The following COL5A1 variants were observed in gnomAD, a reference collection of about 807,000 sequenced individuals.
COL5A1 encodes collagen type V alpha 1 chain.
COL5A1 carries 16 observed loss-of-function variants against 263.7 expected under a neutral mutation model. The observed-to-expected ratio is 0.06, with a 90% CI of 0.04 to 0.09. The LOEUF (loss-of-function observed/expected upper bound fraction) is 0.09. COL5A1 is among the 10% of genes least tolerant of loss of function. The pLI is 1.00. For synonymous variants in COL5A1, 1,012 were observed against 1,004.5 expected (o/e 1.01, Z -0.14); for missense variants, 2,036 against 2,540.5 (o/e 0.80, Z 4.27).
intron 1 of COL5A1, among the ~76,000 whole-genome samples, chr9:134,674,081 T>G (rs922951256): frequency 6.6e-6 from 1 of 152,076 alleles, no homozygotes; most frequent in Non-Finnish European, 1.5e-5. Context: ...TGCAAAGGGG[T>G]GCAACCACTT....
intron 14 of COL5A1, among the ~76,000 whole-genome samples, chr9:134,753,335 G>A (rs989553005): frequency 2.6e-5 from 4 of 152,180 alleles, no homozygotes; most frequent in East Asian, 1.9e-4. Context: ...GCTGGGTTCC[G>A]GGGCCTCTGG....
intron 6 of COL5A1, among the ~76,000 whole-genome samples, chr9:134,729,314 C>T (rs979633334): frequency 3.9e-5 from 6 of 152,106 alleles, no homozygotes; most frequent in African/African-American, 9.7e-5. Context: ...CGGAGGGTCA[C>T]ACCTAGCAGG....
chr9:134,842,000 T>C lies in COL5A1; in HGVS notation c.5371-157T>C, dbSNP rs62571434. On this transcript the variant is annotated intron_variant, in intron 65 of 65. Coordinates refer to ENST00000371817, the MANE Select transcript of COL5A1 (RefSeq NM_000093.5). This position sits in a 1 kb window ranked among gnomAD's most constrained non-coding sequence, Gnocchi z 4.8. ...GTTAAATGCATGCTCTGATCAGCCA[T>C]ATTTCCTCCAACACTTGCCCGGGCA... Among the ~76,000 whole-genome samples the C allele has an allele frequency of 1.2e-3, 182 of 152,202 alleles. 1 individual carries two copies. Among genetic ancestry groups the C allele is most frequent in the African/African-American group, 3.5e-3 (147 of 41,548 alleles).
rs532883250 is a variant in COL5A1 at position 134,812,055 on chromosome 9, G to A, written c.3691-394G>A. On this transcript the variant is annotated intron_variant, in intron 46 of 65. Coordinates refer to ENST00000371817, the MANE Select transcript of COL5A1 (RefSeq NM_000093.5). ...TCCCCATTTTCCATCCTCCATTCCC[G>A]TTTTATGTTACGAGTGTGTTGAATG... Among the ~76,000 whole-genome samples the A allele has an allele frequency of 2.1e-3, 324 of 152,206 alleles. 2 individuals carry two copies. Among genetic ancestry groups the A allele is most frequent in the Admixed American group, 7.3e-3 (112 of 15,286 alleles).
At chr9:134,750,442 T>C (rs550610454) in intron 11 of COL5A1, 100 bp from the exon 12 acceptor site, 4 of 1,079,600 alleles carry the variant, frequency 3.7e-6, no homozygotes, top group Middle Eastern at 2.3e-4. Flanking sequence ...GTCCAGTGCA[T>C]TTCCCGGGTG....
chr9:134,720,341 G>A (rs538615301), intron 4 of COL5A1, among the ~76,000 whole-genome samples: 7 of 152,292 alleles, frequency 4.6e-5, no homozygotes, highest in South Asian at 2.1e-4. Context: ...TTTCCAGGCC[G>A]CCAGCACCTC....
intron 32 of COL5A1, among the ~76,000 whole-genome samples, chr9:134,790,278 C>T (rs1380577099): frequency 6.6e-6 from 1 of 152,162 alleles, no homozygotes; most frequent in Non-Finnish European, 1.5e-5. Flanking sequence ...CCATCTCCAC[C>T]CCTCTCTGTC....
rs996884999 is a variant in COL5A1, at chr9:134,681,180, GC to G, written c.110-9730del. Among the ~76,000 whole-genome samples, 1 of 152,184 alleles carries G rather than the reference GC, an allele frequency of 6.6e-6. No individual in the cohort carries two copies. On this transcript the variant is annotated intron_variant, in intron 1 of 65. Transcript: ENST00000371817. The surrounding 1 kb of genome is among the most constrained non-coding windows in gnomAD (Gnocchi z 4.3). Reference sequence around the variant, plus strand: ...TTGCAGGGAGGGCTGGGGTGGGGGGGCCTCAGCCCTGGGCCAGACCCTCCCT... The same window carrying G: ...TTGCAGGGAGGGCTGGGGTGGGGGGGCTCAGCCCTGGGCCAGACCCTCCCT...
At chr9:134,771,493 C>A (rs561168106) in intron 25 of COL5A1, among the ~76,000 whole-genome samples, 1 of 152,240 alleles carries the variant, frequency 6.6e-6, no homozygotes, top group African/African-American at 2.4e-5. Context: ...GGGAACTTTG[C>A]GCCCTCCCAC....
intron 4 of COL5A1, among the ~76,000 whole-genome samples, chr9:134,703,677 G>A (rs764103292): frequency 2.6e-5 from 3 of 116,780 alleles, no homozygotes; most frequent in Non-Finnish European, 4.9e-5. Context: ...TCGCTCCGTC[G>A]CCCAGGCTGG....
At chr9:134,786,990 G>A (rs950145030) in intron 31 of COL5A1, among the ~76,000 whole-genome samples, 3 of 152,196 alleles carry the variant, frequency 2.0e-5, no homozygotes, top group South Asian at 2.1e-4. Context: ...CCCCTGCTCC[G>A]TGTGTGTGGA....
chr9:134,651,644 T>G (rs910234034), intron 1 of COL5A1, among the ~76,000 whole-genome samples: 2 of 152,216 alleles, frequency 1.3e-5, no homozygotes, highest in Admixed American at 6.5e-5. Flanking sequence ...GGTCAGTCAC[T>G]GGGGCCTGTT....
At chr9:134,760,007 TACAC>T (rs769999732) in intron 18 of COL5A1, among the ~76,000 whole-genome samples, 2 of 59,728 alleles carry the variant, frequency 3.3e-5, no homozygotes, top group African/African-American at 1.0e-4. Flanking sequence ...CCCACACTCA[TACAC>T]ACATGCACAC....
intron 19 of COL5A1, 33 bp downstream of exon 19, chr9:134,762,011 GC>G: frequency 6.2e-7 from 1 of 1,607,618 alleles, no homozygotes; most frequent in Non-Finnish European, 8.5e-7. Context: ...GACTGCTCCT[GC>G]CTGCCCTACT....
At chr9:134,836,871 C>T (rs974749364) in intron 65 of COL5A1, among the ~76,000 whole-genome samples, 1 of 152,246 alleles carries the variant, frequency 6.6e-6, no homozygotes, top group African/African-American at 2.4e-5. Context: ...CTGCTACTGC[C>T]TTCTGCGATT....
intron 6 of COL5A1, among the ~76,000 whole-genome samples, chr9:134,729,567 T>C (rs1834796641): frequency 1.3e-5 from 1 of 79,104 alleles, no homozygotes; most frequent in African/African-American, 5.0e-5. Flanking sequence ...AGCCTGTGTG[T>C]GTGAGCGTGT....
At chr9:134,654,631 G>T (rs1831865744) in intron 1 of COL5A1, among the ~76,000 whole-genome samples, 2 of 133,614 alleles carry the variant, frequency 1.5e-5, no homozygotes, top group African/African-American at 2.9e-5. Context: ...GGCTGGGGGT[G>T]TGTAGGGCTG....
At chr9:134,643,102 G>A (rs2132456711) in intron 1 of COL5A1, among the ~76,000 whole-genome samples, 1 of 152,352 alleles carries the variant, frequency 6.6e-6, no homozygotes. Context: ...TGCTTCCCGG[G>A]GAGGGCGCTT....
intron 48 of COL5A1, 77 bp from the exon 49 acceptor site, chr9:134,813,906 G>A: frequency 6.7e-7 from 1 of 1,503,192 alleles, no homozygotes; most frequent in South Asian, 1.2e-5. Flanking sequence ...GGCAGGATTT[G>A]GCAAATGCTT....
Sources: allele counts gnomAD v4.1 joint callset (sites outside exome capture counted in the v4.1 genomes callset), GRCh38; gene constraint gnomAD v4.1.1; non-coding constraint Gnocchi (gnomAD v3.1); transcripts MANE v1.5; gene names NCBI Gene and HGNC (gene_info 2026-07-23, HGNC 2026-07-21).